PARD3: variants seen among roughly 807,000 people sequenced by gnomAD.
The protein encoded by PARD3 is partitioning defective 3 homolog.
In PARD3, 75 loss-of-function variants were observed where a neutral mutation model predicts 155.4. The observed-to-expected ratio is 0.48, with a 90% CI of 0.40 to 0.58. The LOEUF (loss-of-function observed/expected upper bound fraction) is 0.58. PARD3 is among the 20% of genes least tolerant of loss of function. The pLI is 0.00. For missense variants in PARD3, 1,642 were observed against 1,721.7 expected (o/e 0.95, Z 0.82); for synonymous variants, 576 against 610.5 (o/e 0.94, Z 0.83).
chr10:34,420,861 A>C (rs1001359892), intron 5 of PARD3, among the ~76,000 whole-genome samples: 3 of 152,236 alleles, frequency 2.0e-5, no homozygotes, highest in Admixed American at 6.5e-5. Context: ...AAAATTTAAT[A>C]ATCTTCAATC....
Position 34,389,053 on chromosome 10 carries a change from T to C in PARD3, c.891-4799A>G, listed in dbSNP as rs1458387854. Among the ~76,000 whole-genome samples the C allele has an allele frequency of 2.6e-5, 4 of 152,056 alleles. No homozygotes were observed. The East Asian group carries it at 7.7e-4, about 29-fold the overall frequency. ...TTATGCTTTTCAAGCAAATGGATTT[T>C]TCCTGATGGAGCTGAAACATCCCCA... On this transcript the variant is annotated intron_variant, in intron 7 of 24. Transcript: ENST00000374788.
In PARD3 at chr10:34,674,769, G is replaced by A. The variant is rs1313677142; in HGVS notation, c.222+21549C>T. 3.3e-5 allele frequency among the ~76,000 whole-genome samples: 5 copies of A among 152,198 alleles called. No homozygotes were observed. In the East Asian group the frequency reaches 7.7e-4, roughly 24 times the overall value. On this transcript the variant is annotated intron_variant, in intron 2 of 24. Transcript: ENST00000374788. The stretch of plus-strand genomic sequence containing the variant: ...CCCAAAGTGCTGGGATTACAGGCGT[G>A]AGCCACCGTGCCCAGCCCTCACTCT...
At chr10:34,660,840 G>C (rs1173037993) in intron 2 of PARD3, among the ~76,000 whole-genome samples, 1 of 152,070 alleles carries the variant, frequency 6.6e-6, no homozygotes, top group Non-Finnish European at 1.5e-5. Flanking sequence ...GCTGTTTCCA[G>C]ACTGGAAAAT....
chr10:34,538,727 G>A (rs976841554), intron 2 of PARD3, among the ~76,000 whole-genome samples: 4 of 152,220 alleles, frequency 2.6e-5, no homozygotes, highest in African/African-American at 7.2e-5. Flanking sequence ...AAGAGTCACC[G>A]GGACAGGAGC....
chr10:34,411,640 C>A (rs1349128471), intron 5 of PARD3, among the ~76,000 whole-genome samples: 1 of 151,942 alleles, frequency 6.6e-6, no homozygotes, highest in Non-Finnish European at 1.5e-5. Flanking sequence ...TTGGTGACTG[C>A]AGATCTTGGG....
intron 3 of PARD3, among the ~76,000 whole-genome samples, chr10:34,474,430 T>C (rs143721068): frequency 2.0e-5 from 3 of 152,320 alleles, no homozygotes; most frequent in East Asian, 1.9e-4. Flanking sequence ...TGGATGTGTA[T>C]TGGTTTATGA....
intron 22 of PARD3, among the ~76,000 whole-genome samples, chr10:34,201,802 G>C (rs993503438): frequency 1.3e-5 from 2 of 152,118 alleles, no homozygotes; most frequent in African/African-American, 4.8e-5. Flanking sequence ...AAACTAAAGG[G>C]AAGAAACGTC....
Position 34,814,943 on chromosome 10 carries a change from T to C in PARD3, c.53A>G (p.Asp18Gly). 1.3e-6 allele frequency: 2 copies of C among 1,559,754 alleles called. No homozygotes were observed. The highest frequency in any genetic ancestry group is 8.7e-7 in the Non-Finnish European group (1 of 1,155,592). Residue 18 changes from aspartate (D) to glycine (G), a missense_variant, in exon 1 of 25, where the codon GAC (aspartate) becomes GGC (glycine). Transcript: ENST00000374788. ...GAGGCTGAAAACTTTCATGTGGCCGTCCCCGCACGGCACGACCACCCGGGT... is the reference window on the plus strand; with the variant it reads ...GAGGCTGAAAACTTTCATGTGGCCGCCCCCGCACGGCACGACCACCCGGGT... ...GRTRVVVPCG[D>G]GHMKVFSLIQ...
At chr10:34,502,424 C>T (rs890222277) in intron 3 of PARD3, among the ~76,000 whole-genome samples, 1 of 152,080 alleles carries the variant, frequency 6.6e-6, no homozygotes, top group Admixed American at 6.5e-5. Flanking sequence ...TAGAGCCTCC[C>T]GCAGGAAGGC....
intron 22 of PARD3, among the ~76,000 whole-genome samples, chr10:34,206,159 AGGTCCCAGTGCAGGTGT>A (rs1345957840): frequency 6.2e-5 from 9 of 144,030 alleles, no homozygotes; most frequent in Admixed American, 1.4e-4. Context: ...GCACAGTGGG[AGGTCCCAGTGCAGGTGT>A]GGAAGGTGGC....
At chr10:34,419,969 C>G (rs916784706) in intron 5 of PARD3, among the ~76,000 whole-genome samples, 2 of 152,194 alleles carry the variant, frequency 1.3e-5, no homozygotes, top group Non-Finnish European at 2.9e-5. Context: ...TTGATTGAGA[C>G]AGAGTCTTGC....
At chr10:34,295,311 G>A (rs1956857069) in intron 20 of PARD3, among the ~76,000 whole-genome samples, 1 of 152,120 alleles carries the variant, frequency 6.6e-6, no homozygotes, top group African/African-American at 2.4e-5. Context: ...CAAGAAATTC[G>A]GCAAATGTCA....
chr10:34,557,925 G>A (rs1245166320), intron 2 of PARD3, among the ~76,000 whole-genome samples: 1 of 147,154 alleles, frequency 6.8e-6, no homozygotes, highest in Non-Finnish European at 1.5e-5. Flanking sequence ...GTGACAGTGT[G>A]AGACCCTGAC....
At chr10:34,158,605 A>G (rs1051147474) in intron 22 of PARD3, among the ~76,000 whole-genome samples, 1 of 152,224 alleles carries the variant, frequency 6.6e-6, no homozygotes, top group African/African-American at 2.4e-5. Flanking sequence ...CCGGGTCCCA[A>G]GCCCTGGCTA....
At chr10:34,302,185 C>G (rs187935600) in intron 20 of PARD3, among the ~76,000 whole-genome samples, 13 of 152,246 alleles carry the variant, frequency 8.5e-5, no homozygotes, top group Non-Finnish European at 1.6e-4. Context: ...GGATTTCCAC[C>G]ATCTAAATGG....
chr10:34,793,471 A>G (rs1236974189), intron 1 of PARD3, among the ~76,000 whole-genome samples: 2 of 152,228 alleles, frequency 1.3e-5, no homozygotes, highest in Non-Finnish European at 2.9e-5. Context: ...AGTCAGGGAT[A>G]TAAAAGCCAT....
At chr10:34,149,630 T>G (rs1342005386) in intron 22 of PARD3, among the ~76,000 whole-genome samples, 1 of 152,212 alleles carries the variant, frequency 6.6e-6, no homozygotes, top group East Asian at 1.9e-4. Flanking sequence ...TTGCTACAGA[T>G]GATCTCACGT....
chr10:34,690,901 G>T (rs1287471737), intron 2 of PARD3, among the ~76,000 whole-genome samples: 1 of 152,138 alleles, frequency 6.6e-6, no homozygotes, highest in Non-Finnish European at 1.5e-5. Context: ...AGTACAACGA[G>T]ACTGTACATG....
At chr10:34,346,436 C>T (rs148647264) in intron 15 of PARD3, 2 of 1,348,270 alleles carry the variant, frequency 1.5e-6, no homozygotes, top group African/African-American at 3.0e-5. Flanking sequence ...TTCAGTATGG[C>T]AAGTCCTATG....
Sources: gnomAD v4.1 joint callset for allele counts (sites outside exome capture counted in the v4.1 genomes callset) on GRCh38, gnomAD v4.1.1 for gene constraint, MANE v1.5 for transcripts, NCBI Gene and HGNC (gene_info 2026-07-23, HGNC 2026-07-21) for gene names.